The following WIPF3 variants were observed in gnomAD, a reference collection of about 807,000 sequenced individuals.
WIPF3 encodes WAS/WASL interacting protein family member 3.
A neutral mutation model predicts 38.9 loss-of-function variants in WIPF3; 33 were observed. The observed-to-expected ratio is 0.85, with a 90% confidence interval of 0.64 to 1.14. WIPF3 has a LOEUF of 1.14. WIPF3 is among the 50% of genes most tolerant of loss of function. The pLI is 0.00. For synonymous variants in WIPF3, 324 were observed against 269.3 expected (o/e 1.20, Z -1.99); for missense variants, 711 against 652.5 (o/e 1.09, Z -0.98).
chr7:29,823,311 G>T lies in WIPF3; in HGVS notation c.-57-11357G>T, dbSNP rs1784568436. 6.6e-6 allele frequency among the ~76,000 whole-genome samples: 1 copy of T among 152,020 alleles called. No individual in the cohort carries two copies. Among genetic ancestry groups the T allele is most frequent in the African/African-American group, 2.4e-5 (1 of 41,356 alleles). ...GAGTGTCACTCTGTCACCCAGGCTG[G>T]AGTGCAGTGGCACGATTTCGGCTCA... On this transcript the variant is annotated intron_variant, in intron 1 of 8. Transcript: ENST00000242140. This position sits in a 1 kb window ranked among gnomAD's most constrained non-coding sequence, Gnocchi z 4.0.
chr7:29,836,965 T>C (rs1396110471), intron 2 of WIPF3, among the ~76,000 whole-genome samples: 2 of 152,002 alleles, frequency 1.3e-5, no homozygotes, highest in Non-Finnish European at 2.9e-5. Flanking sequence ...CACTCCAGCC[T>C]GGGTGACAGA....
intron 2 of WIPF3, among the ~76,000 whole-genome samples, chr7:29,851,043 C>CATCCCG (rs1785086883): frequency 6.6e-6 from 1 of 152,210 alleles, no homozygotes; most frequent in Admixed American, 6.5e-5. Flanking sequence ...CCCTCTCCCC[C>CATCCCG]AGTCCTTGGC....
intron 2 of WIPF3, among the ~76,000 whole-genome samples, chr7:29,870,051 G>T (rs970029080): frequency 9.9e-5 from 15 of 152,144 alleles, no homozygotes; most frequent in Admixed American, 3.9e-4. Flanking sequence ...TAAGCATGTT[G>T]CTCTAGGAAC....
At chr7:29,902,317 T>G (rs1026808105) in intron 7 of WIPF3, among the ~76,000 whole-genome samples, 14 of 145,446 alleles carry the variant, frequency 9.6e-5, no homozygotes, top group Non-Finnish European at 1.7e-4. Flanking sequence ...ATAAACTAGC[T>G]AAAAATCTAG....
At chr7:29,881,817 T>C (rs1483058024) in intron 4 of WIPF3, among the ~76,000 whole-genome samples, 4 of 152,362 alleles carry the variant, frequency 2.6e-5, no homozygotes, top group African/African-American at 9.6e-5. Context: ...CTGAATCCTT[T>C]CCTATGGGCA....
intron 1 of WIPF3, among the ~76,000 whole-genome samples, chr7:29,815,909 A>C (rs1186140214): frequency 6.6e-6 from 1 of 152,104 alleles, no homozygotes; most frequent in East Asian, 1.9e-4. Flanking sequence ...CAGCTGTCCC[A>C]GGAAGTCTGT....
At chr7:29,816,386 G>GC (rs909652433) in intron 1 of WIPF3, among the ~76,000 whole-genome samples, 18 of 152,132 alleles carry the variant, frequency 1.2e-4, no homozygotes, top group Admixed American at 1.1e-3. Flanking sequence ...GAGTGCAGTG[G>GC]CCTGCCTGAT....
intron 7 of WIPF3, among the ~76,000 whole-genome samples, chr7:29,901,758 A>G (rs962008590): frequency 2.1e-5 from 3 of 143,676 alleles, no homozygotes; most frequent in African/African-American, 7.7e-5. Context: ...GGATTGCTTG[A>G]GCCTGGGAGA....
At chr7:29,872,798 CAAAA>C (rs61693654) in intron 2 of WIPF3, among the ~76,000 whole-genome samples, 5 of 31,032 alleles carry the variant, frequency 1.6e-4, no homozygotes, top group African/African-American at 6.8e-4. Context: ...GACTCCATCT[CAAAA>C]AAAAAAAAAA....
chr7:29,900,231 C>G (rs1391932134), intron 7 of WIPF3, among the ~76,000 whole-genome samples: 2 of 152,290 alleles, frequency 1.3e-5, no homozygotes, highest in East Asian at 1.9e-4. Flanking sequence ...GCCACTGCAC[C>G]CAGCCTGTAC....
At chr7:29,892,441 G>A (rs1786043315) in intron 7 of WIPF3, among the ~76,000 whole-genome samples, 1 of 152,242 alleles carries the variant, frequency 6.6e-6, no homozygotes, top group Non-Finnish European at 1.5e-5. Flanking sequence ...GCGTGAACCT[G>A]TAAGCAGGGA....
chr7:29,840,943 G>C (rs1405548473), intron 2 of WIPF3, among the ~76,000 whole-genome samples: 1 of 152,156 alleles, frequency 6.6e-6, no homozygotes, highest in Non-Finnish European at 1.5e-5. Flanking sequence ...CACCTGATCG[G>C]ATATCAAGGG....
intron 5 of WIPF3, among the ~76,000 whole-genome samples, chr7:29,885,462 A>G (rs1715781111): frequency 6.6e-6 from 1 of 152,218 alleles, no homozygotes; most frequent in Non-Finnish European, 1.5e-5. Context: ...AAGCTTCTTA[A>G]AAGTATTTTC....
intron 7 of WIPF3, among the ~76,000 whole-genome samples, chr7:29,892,182 C>A (rs1284390227): frequency 6.6e-6 from 1 of 152,198 alleles, no homozygotes; most frequent in African/African-American, 2.4e-5. Flanking sequence ...GGCTCCTTTA[C>A]TCCCTCAGGC....
chr7:29,838,044 G>A (rs540583410), intron 2 of WIPF3, among the ~76,000 whole-genome samples: 33 of 152,122 alleles, frequency 2.2e-4, no homozygotes, highest in Non-Finnish European at 4.1e-4. Flanking sequence ...TCAGCCTCCC[G>A]AGTAGCTGGA....
rs1786598425 is a variant in WIPF3, at chr7:29,915,520, T to C, written c.*1004T>C. ...CCTCACTGCCCCCATCTTAGGATCCTTGGAGCCACCCGTCAGGCAAAACCT... is the reference window on the plus strand; with the variant it reads ...CCTCACTGCCCCCATCTTAGGATCCCTGGAGCCACCCGTCAGGCAAAACCT... On this transcript the variant is annotated 3_prime_UTR_variant, in exon 9 of 9. Transcript: ENST00000242140. 6.6e-6 allele frequency: 1 copy of C among 152,230 alleles called. No homozygotes were observed. The highest frequency in any genetic ancestry group is 1.5e-5 in the Non-Finnish European group (1 of 68,056). 9.4% of individuals were successfully genotyped at this position (152,230 alleles called of 1,614,324 possible).
chr7:29,808,690 A>AGTGT (rs59634993), intron 1 of WIPF3, among the ~76,000 whole-genome samples: 123 of 150,594 alleles, frequency 8.2e-4, no homozygotes, highest in Non-Finnish European at 1.2e-3. Flanking sequence ...GAATGGAGGA[A>AGTGT]GTGTGTGTGT....
At chr7:29,839,551 G>A (rs543324142) in intron 2 of WIPF3, among the ~76,000 whole-genome samples, 2 of 152,268 alleles carry the variant, frequency 1.3e-5, no homozygotes, top group South Asian at 2.1e-4. Context: ...TAATCTGCCC[G>A]GAATGAATGA....
intron 1 of WIPF3, among the ~76,000 whole-genome samples, chr7:29,830,376 A>G (rs1329130290): frequency 6.6e-6 from 1 of 152,110 alleles, no homozygotes; most frequent in Non-Finnish European, 1.5e-5. Flanking sequence ...CAGGGATATA[A>G]CTTGACCTGA....
Sources: allele counts gnomAD v4.1 joint callset (sites outside exome capture counted in the v4.1 genomes callset), GRCh38; gene constraint gnomAD v4.1.1; non-coding constraint Gnocchi (gnomAD v3.1); transcripts MANE v1.5; gene names NCBI Gene and HGNC (gene_info 2026-07-23, HGNC 2026-07-21).